Variants in RBFOX1 observed in about 807,000 individuals in gnomAD.
The protein encoded by RBFOX1 is RNA binding protein fox-1 homolog 1.
RBFOX1 carries 8 observed loss-of-function variants against 57.7 expected under a neutral mutation model. The observed-to-expected ratio is 0.14, with a 90% CI of 0.08 to 0.25. RBFOX1 has a LOEUF of 0.25. Ranked by LOEUF, RBFOX1 falls within the 10% of genes least tolerant of loss-of-function variation. The probability of loss-of-function intolerance (pLI) is 1.00; values close to 1 mark genes in which losing one functional copy is unlikely to be tolerated. For missense variants in RBFOX1, 611 were observed against 548.5 expected (o/e 1.11, Z -1.14); for synonymous variants, 326 against 222.4 (o/e 1.47, Z -4.15).
intron 4 of RBFOX1, among the ~76,000 whole-genome samples, chr16:7,247,932 A>C (rs2094367480): frequency 6.6e-6 from 1 of 152,168 alleles, no homozygotes; most frequent in South Asian, 2.1e-4. Flanking sequence ...AAAAATAACT[A>C]ATGAGTACTA....
intron 1 of RBFOX1, among the ~76,000 whole-genome samples, chr16:5,403,349 C>CAAAA (rs767830099): frequency 1.6e-4 from 13 of 82,240 alleles, no homozygotes; most frequent in South Asian, 9.0e-4. Flanking sequence ...AACGCTGTCT[C>CAAAA]AAAAAAAAAA....
chr16:7,036,063 A>G (rs919987227), intron 3 of RBFOX1, among the ~76,000 whole-genome samples: 21 of 152,242 alleles, frequency 1.4e-4, no homozygotes, highest in African/African-American at 4.8e-4. Context: ...AATAGAAAAG[A>G]CCTCTTGTGT....
intron 10 of RBFOX1, among the ~76,000 whole-genome samples, chr16:7,619,168 A>G (rs2058920798): frequency 6.6e-6 from 1 of 152,212 alleles, no homozygotes; most frequent in Non-Finnish European, 1.5e-5. Flanking sequence ...TATTAAACCC[A>G]GTATCATTTT....
At position 7,518,329 on chromosome 16, in the gene RBFOX1, G is replaced by C. The variant is rs2076811567; in HGVS notation, c.210G>C (p.Gln70His). Residue 70 changes from glutamine (Q) to histidine (H), a missense_variant, in exon 5 of 16, where the codon CAG becomes CAC. Physicochemically the swap from Gln to His is conservative, Grantham distance 24. Around this residue, in one of 3 missense-constraint regions of RBFOX1, gnomAD observed 245 missense variants for 159.1 expected, o/e 1.54. Transcript: ENST00000550418. ...CATTAAACCTGTACCCTCCCGCCCA[G>C]ACGCACTCCGAGCAGAGCCCGGCGG... ...EHTLNLYPPA[Q>H]THSEQSPADT... 1.2e-6 allele frequency: 2 copies of C among 1,613,730 alleles called. No homozygotes were observed. Among genetic ancestry groups the C allele is most frequent in the African/African-American group, 2.7e-5 (2 of 74,920 alleles).
At chr16:6,703,492 G>T (rs542268406) in intron 3 of RBFOX1, among the ~76,000 whole-genome samples, 3 of 134,966 alleles carry the variant, frequency 2.2e-5, no homozygotes, top group Non-Finnish European at 4.7e-5. Flanking sequence ...TGGGAGGATT[G>T]CTTGAGCTCA....
At chr16:6,398,700 G>A (rs1029260232) in intron 2 of RBFOX1, among the ~76,000 whole-genome samples, 2 of 152,218 alleles carry the variant, frequency 1.3e-5, no homozygotes, top group Non-Finnish European at 2.9e-5. Context: ...GGGCAGCTCT[G>A]CCCCTATGCC....
rs557574382 is a variant in RBFOX1, at chr16:7,465,757, G to A, written c.28-52390G>A. On this transcript the variant is annotated intron_variant, in intron 4 of 15. Transcript: ENST00000550418. The stretch of plus-strand genomic sequence containing the variant: ...GGTCCCTCTTCAAGCCGATGAATCA[G>A]AATCACTAATGCTGAACCCCAGGAA... 1.8e-4 allele frequency among the ~76,000 whole-genome samples: 27 copies of A among 152,300 alleles called. 1 individual carries two copies. In the South Asian group the frequency reaches 5.6e-3, roughly 32 times the overall value.
At chr16:6,632,174 TG>T (rs1193230521) in intron 2 of RBFOX1, among the ~76,000 whole-genome samples, 1 of 152,116 alleles carries the variant, frequency 6.6e-6, no homozygotes. Context: ...TCCTCCTCCT[TG>T]AAGACACTTA....
chr16:6,515,235 G>T (rs1015226404), intron 2 of RBFOX1, among the ~76,000 whole-genome samples: 1 of 152,080 alleles, frequency 6.6e-6, no homozygotes, highest in Non-Finnish European at 1.5e-5. Context: ...TCTAGATAAG[G>T]ATGCTGAGCA....
intron 3 of RBFOX1, among the ~76,000 whole-genome samples, chr16:6,880,159 C>G (rs1004832537): frequency 6.6e-6 from 1 of 152,088 alleles, no homozygotes; most frequent in Non-Finnish European, 1.5e-5. Flanking sequence ...GTTCTCTAAT[C>G]ATGGGATATT....
At chr16:7,181,159 C>T (rs143013476) in intron 4 of RBFOX1, among the ~76,000 whole-genome samples, 46 of 152,240 alleles carry the variant, frequency 3.0e-4, no homozygotes, top group Admixed American at 1.1e-3. Flanking sequence ...GCCAGGTGGA[C>T]GGCCTTGTGG....
At chr16:6,683,041 C>A (rs1183791746) in intron 3 of RBFOX1, among the ~76,000 whole-genome samples, 1 of 151,940 alleles carries the variant, frequency 6.6e-6, no homozygotes, top group Non-Finnish European at 1.5e-5. Flanking sequence ...TATGACCCTG[C>A]TTTTAGGAGA....
chr16:7,275,721 G>A (rs532555682), intron 4 of RBFOX1, among the ~76,000 whole-genome samples: 50 of 152,318 alleles, frequency 3.3e-4, no homozygotes, highest in Non-Finnish European at 5.9e-4. Context: ...AATAGGCATT[G>A]TTTTGATGGC....
intron 3 of RBFOX1, among the ~76,000 whole-genome samples, chr16:5,626,197 C>A (rs958146138): frequency 6.6e-6 from 1 of 152,168 alleles, no homozygotes; most frequent in African/African-American, 2.4e-5. Context: ...TATTTTGTGT[C>A]CTCCAACTTA....
At chr16:5,980,313 A>AG (rs935957598) in intron 4 of RBFOX1, among the ~76,000 whole-genome samples, 13 of 152,150 alleles carry the variant, frequency 8.5e-5, no homozygotes, top group African/African-American at 2.9e-4. Context: ...CAGAGAGAGC[A>AG]GGGGGCGGCA....
At chr16:7,060,704 C>T (rs2053979098) in intron 4 of RBFOX1, among the ~76,000 whole-genome samples, 1 of 152,168 alleles carries the variant, frequency 6.6e-6, no homozygotes, top group Admixed American at 6.5e-5. Context: ...TTCTGGGACT[C>T]CCCAAGGAGG....
intron 1 of RBFOX1, among the ~76,000 whole-genome samples, chr16:6,056,060 C>T (rs1418748610): frequency 6.6e-6 from 1 of 152,080 alleles, no homozygotes; most frequent in Non-Finnish European, 1.5e-5. Flanking sequence ...GATAGAGGGG[C>T]AAAGTGGGTA....
At chr16:7,682,113 A>C (rs7197640) in intron 14 of RBFOX1, among the ~76,000 whole-genome samples, 144,062 of 152,200 alleles carry the variant, frequency 0.95, 68,682 homozygotes, top group East Asian at 1. Flanking sequence ...TCCTTCTCAC[A>C]TGCTGTTTAA....
Position 6,908,805 on chromosome 16 carries a change from T to G in RBFOX1, c.-15-143252T>G, listed in dbSNP as rs546861820. On this transcript the variant is annotated intron_variant, in intron 3 of 15. Coordinates refer to ENST00000550418, the MANE Select transcript of RBFOX1 (RefSeq NM_018723.4). ...CTGTCTCTCTGCCCAGTTACCTCAT[T>G]GATAAATGGAGGTGAGGTTGTGCCA... Among the ~76,000 whole-genome samples the G allele has an allele frequency of 7.2e-5, 11 of 152,200 alleles. No homozygotes were observed. The South Asian group carries it at 2.3e-3, about 32-fold the overall frequency.
Sources: allele counts gnomAD v4.1 joint callset (sites outside exome capture counted in the v4.1 genomes callset), GRCh38; gene constraint gnomAD v4.1.1; regional missense constraint gnomAD v4.1.1; transcripts MANE v1.5; gene names NCBI Gene and HGNC (gene_info 2026-07-23, HGNC 2026-07-21).